Variants in GRAMD2B observed in about 807,000 individuals in gnomAD.
GRAMD2B encodes GRAM domain containing 2B.
A neutral mutation model predicts 59.2 loss-of-function variants in GRAMD2B; 41 were observed. The ratio of observed to expected loss-of-function variants is 0.69; its 90% confidence interval spans 0.54 to 0.90. The LOEUF (loss-of-function observed/expected upper bound fraction) is 0.90. Among genes scored for constraint, GRAMD2B ranks in the 40% least tolerant of loss-of-function variants. The pLI, the probability that GRAMD2B is intolerant of heterozygous loss-of-function variation, is 0.00. For missense variants in GRAMD2B, 424 were observed against 500.5 expected (o/e 0.85, Z 1.46); for synonymous variants, 161 against 182.7 (o/e 0.88, Z 0.96).
chr5:126,435,781 G>C (rs193288868), intron 1 of GRAMD2B, among the ~76,000 whole-genome samples: 8 of 152,322 alleles, frequency 5.3e-5, no homozygotes, highest in Non-Finnish European at 8.8e-5. Flanking sequence ...AATATGAATA[G>C]AGTCCTTGCT....
intron 1 of GRAMD2B, among the ~76,000 whole-genome samples, chr5:126,444,252 A>C (rs1763804882): frequency 6.6e-6 from 1 of 152,204 alleles, no homozygotes; most frequent in Non-Finnish European, 1.5e-5. Flanking sequence ...CCCACTACTG[A>C]GCAAACCATA....
intron 1 of GRAMD2B, among the ~76,000 whole-genome samples, chr5:126,384,461 G>A (rs138558349): frequency 3.1e-4 from 47 of 152,282 alleles, no homozygotes; most frequent in Admixed American, 2.4e-3. Flanking sequence ...GTATAATCCC[G>A]GAGAAAGGGA....
intron 9 of GRAMD2B, among the ~76,000 whole-genome samples, 177 bp from the exon 10 acceptor site, chr5:126,484,225 T>C (rs913914200): frequency 6.6e-6 from 1 of 152,240 alleles, no homozygotes; most frequent in African/African-American, 2.4e-5. Context: ...TATATCACTT[T>C]ATTACTTATT....
chr5:126,391,924 C>G (rs536737196), intron 1 of GRAMD2B, among the ~76,000 whole-genome samples: 4 of 152,224 alleles, frequency 2.6e-5, no homozygotes, highest in Admixed American at 2.6e-4. Flanking sequence ...CTCAATAAAA[C>G]TATTATTTTT....
chr5:126,491,879 A>G (rs758084130), intron 13 of GRAMD2B, among the ~76,000 whole-genome samples: 3 of 152,232 alleles, frequency 2.0e-5, no homozygotes, highest in Middle Eastern at 3.4e-3. Flanking sequence ...GATTACAGGC[A>G]TCTGCCACCA....
intron 1 of GRAMD2B, among the ~76,000 whole-genome samples, chr5:126,426,516 G>A (rs1353217745): frequency 6.6e-6 from 1 of 152,192 alleles, no homozygotes; most frequent in Non-Finnish European, 1.5e-5. Flanking sequence ...GTTTCAAGTT[G>A]TTAACATATA....
At chr5:126,406,753 C>T (rs1418445100) in intron 1 of GRAMD2B, among the ~76,000 whole-genome samples, 1 of 151,968 alleles carries the variant, frequency 6.6e-6, no homozygotes, top group Non-Finnish European at 1.5e-5. Flanking sequence ...TTCAAAGAAG[C>T]AGCCTTTAGG....
At chr5:126,455,441 CTG>C (rs1766106382) in intron 1 of GRAMD2B, among the ~76,000 whole-genome samples, 2 of 151,982 alleles carry the variant, frequency 1.3e-5, no homozygotes, top group Non-Finnish European at 2.9e-5. Flanking sequence ...AAAAAACAAA[CTG>C]TTGGATTTCC....
chr5:126,405,466 G>T lies in GRAMD2B; in HGVS notation c.125+33899G>T, dbSNP rs895901054. Among the ~76,000 whole-genome samples the T allele has an allele frequency of 6.6e-5, 10 of 151,990 alleles. No homozygotes were observed. In the South Asian group the frequency reaches 2.1e-3, roughly 32 times the overall value. ...GGTACAATAAGACAATCCTCACAGAGTTGTAAAGATTAAATAATCTGTGCG... is the reference window on the plus strand; with the variant it reads ...GGTACAATAAGACAATCCTCACAGATTTGTAAAGATTAAATAATCTGTGCG... On this transcript the variant is annotated intron_variant, in intron 1 of 8. Transcript: ENST00000506445.
intron 1 of GRAMD2B, among the ~76,000 whole-genome samples, chr5:126,391,296 G>A (rs573320727): frequency 9.3e-6 from 1 of 107,070 alleles, no homozygotes. Flanking sequence ...CTCCAGCCTG[G>A]GCAAGAGAGG....
chr5:126,477,832 C>G, intron 6 of GRAMD2B, 45 bp downstream of exon 6: 1 of 1,127,434 alleles, frequency 8.9e-7, no homozygotes, highest in Non-Finnish European at 1.4e-6. Context: ...TGTCCTCCTG[C>G]TCTGGGCTCT....
At chr5:126,440,231 A>G (rs890107416) in intron 1 of GRAMD2B, among the ~76,000 whole-genome samples, 8 of 152,218 alleles carry the variant, frequency 5.3e-5, no homozygotes, top group Admixed American at 3.3e-4. Flanking sequence ...AAAGGGGAAA[A>G]CTTGAATAAA....
chr5:126,443,727 T>C (rs1461125522), intron 1 of GRAMD2B, among the ~76,000 whole-genome samples: 1 of 152,226 alleles, frequency 6.6e-6, no homozygotes, highest in African/African-American at 2.4e-5. Context: ...TGTTGTTATA[T>C]GCATAACAGA....
At chr5:126,387,061 G>A (rs551431464) in intron 1 of GRAMD2B, among the ~76,000 whole-genome samples, 31 of 152,108 alleles carry the variant, frequency 2.0e-4, no homozygotes, top group African/African-American at 7.2e-4. Flanking sequence ...TTATGTATTT[G>A]GATACATGTA....
Position 126,493,735 on chromosome 5 carries a change from G to T in GRAMD2B, c.*779G>T, listed in dbSNP as rs1774313635. 1 of 152,414 alleles carries T rather than the reference G, an allele frequency of 6.6e-6. No individual in the cohort carries two copies. The highest frequency in any genetic ancestry group is 1.5e-5 in the Non-Finnish European group (1 of 68,038). 9.4% of individuals were successfully genotyped at this position (152,414 alleles called of 1,614,324 possible). On this transcript the variant is annotated 3_prime_UTR_variant, in exon 14 of 14. Transcript: ENST00000285689. ...TTTTTAAGCCAAAAGGTGTAATAGT[G>T]ATTTAATACAGGATGAAAAACACTG...
intron 1 of GRAMD2B, among the ~76,000 whole-genome samples, chr5:126,455,808 A>C (rs1766179143): frequency 6.6e-6 from 1 of 152,222 alleles, no homozygotes; most frequent in South Asian, 2.1e-4. Context: ...CTCCCCATAC[A>C]CAAGGGTGTC....
intron 8 of GRAMD2B, 114 bp downstream of exon 8, chr5:126,480,821 AG>A (rs1390822412): frequency 1.2e-6 from 1 of 839,326 alleles, no homozygotes; most frequent in African/African-American, 1.7e-5. Context: ...AAAATATTTG[AG>A]GTACAGTTGA....
At chr5:126,479,591 A>G (rs1359843376) in intron 6 of GRAMD2B, among the ~76,000 whole-genome samples, 1 of 152,170 alleles carries the variant, frequency 6.6e-6, no homozygotes, top group African/African-American at 2.4e-5. Context: ...AGAGGGGTTA[A>G]GCAATTTTCC....
intron 1 of GRAMD2B, among the ~76,000 whole-genome samples, chr5:126,440,007 C>G (rs186982518): frequency 2.6e-4 from 39 of 152,242 alleles, no homozygotes; most frequent in African/African-American, 9.1e-4. Context: ...GGAACAGTGA[C>G]TCCATTAAAA....
Sources: allele counts gnomAD v4.1 joint callset (sites outside exome capture counted in the v4.1 genomes callset), GRCh38; gene constraint gnomAD v4.1.1; transcripts MANE v1.5; gene names NCBI Gene and HGNC (gene_info 2026-07-23, HGNC 2026-07-21).